Variants in DGAT2 observed in about 807,000 individuals in gnomAD.
DGAT2 encodes the protein acyl-CoA retinol O-fatty-acyltransferase.
DGAT2 carries 33 observed loss-of-function variants against 48.4 expected under a neutral mutation model. That is an observed-to-expected ratio of 0.68 (90% CI 0.52 to 0.91). DGAT2 has a LOEUF of 0.91. DGAT2 is among the 40% of genes least tolerant of loss of function. The pLI, the probability that DGAT2 is intolerant of heterozygous loss-of-function variation, is 0.00. For missense variants in DGAT2, 446 were observed against 493.7 expected (o/e 0.90, Z 0.92); for synonymous variants, 191 against 194.1 (o/e 0.98, Z 0.13).
chr11:75,785,842 AG>A (rs1310595352), intron 2 of DGAT2, among the ~76,000 whole-genome samples: 1 of 152,234 alleles, frequency 6.6e-6, no homozygotes, highest in Non-Finnish European at 1.5e-5. Context: ...AGAACTTCAC[AG>A]GTGAGAAAAT....
At chr11:75,778,175 T>C (rs1007608849) in intron 1 of DGAT2, among the ~76,000 whole-genome samples, 1 of 151,838 alleles carries the variant, frequency 6.6e-6, no homozygotes, top group African/African-American at 2.4e-5. Context: ...TCTCAGCTTC[T>C]ATTTCAGGCA....
Position 75,769,037 on chromosome 11 carries a change from C to T in DGAT2, c.46C>T (p.Arg16Cys). 6.3e-7 allele frequency: 1 copy of T among 1,576,310 alleles called. No individual in the cohort carries two copies. Among genetic ancestry groups the T allele is most frequent in the Admixed American group, 1.8e-5 (1 of 55,726 alleles). ...CTACTCCGGGGTCCTGCGCGGCGAG[C>T]GTCAGGCCGAGGCTGACCGGAGCCA... ...AAYSGVLRGERQAEADRSQRS... is the reference protein window; with the variant it reads ...AAYSGVLRGECQAEADRSQRS... The change falls in exon 1 of 8, where the codon CGT becomes TGT. Residue 16 changes from arginine to cysteine, a missense_variant. Transcript: ENST00000228027.
At chr11:75,785,463 G>A (rs1299431318) in intron 2 of DGAT2, among the ~76,000 whole-genome samples, 5 of 152,150 alleles carry the variant, frequency 3.3e-5, no homozygotes, top group African/African-American at 1.2e-4. Context: ...AGCCCACATC[G>A]GTGCTTTGGT....
At chr11:75,780,257 A>G (rs759172047) in intron 1 of DGAT2, among the ~76,000 whole-genome samples, 7 of 152,196 alleles carry the variant, frequency 4.6e-5, no homozygotes, top group Non-Finnish European at 1.0e-4. Flanking sequence ...GACTCCTCCC[A>G]GCCACAGCTG....
chr11:75,796,051 A>C (rs1945047877), intron 4 of DGAT2: 3 of 428,032 alleles, frequency 7.0e-6, no homozygotes, highest in Non-Finnish European at 1.3e-5. Context: ...GGCAGAGTGC[A>C]AAGAAGAGCT....
intron 2 of DGAT2, among the ~76,000 whole-genome samples, chr11:75,787,337 G>T (rs1313762268): frequency 6.6e-6 from 1 of 152,196 alleles, no homozygotes. Flanking sequence ...AATGGGGCTT[G>T]GCCAGCAAGT....
intron 1 of DGAT2, among the ~76,000 whole-genome samples, chr11:75,781,839 C>A (rs1326327752): frequency 6.6e-6 from 1 of 152,186 alleles, no homozygotes. Context: ...GAGGGTTGAA[C>A]AAGATGGCGT....
intron 7 of DGAT2, 49 bp downstream of exon 7, chr11:75,798,478 A>G: frequency 6.9e-6 from 11 of 1,594,416 alleles, no homozygotes; most frequent in East Asian, 2.2e-5. Context: ...ACAGGGTGCC[A>G]TACAGCTAAT....
At chr11:75,786,021 A>G (rs928282668) in intron 2 of DGAT2, among the ~76,000 whole-genome samples, 2 of 152,364 alleles carry the variant, frequency 1.3e-5, no homozygotes, top group Admixed American at 1.3e-4. Flanking sequence ...TAGGCCCAAG[A>G]ACGGGCTTTG....
Position 75,790,747 on chromosome 11 carries a change from T to G in DGAT2, c.429+16T>G. On this transcript the variant is annotated intron_variant, in intron 4 of 7. Transcript: ENST00000228027. The stretch of plus-strand genomic sequence containing the variant: ...TCCCATCCAGGTAAAGTGCTGTGAG[T>G]GTTGTTTTGGGAGGGTGGGAATGGA... The G allele has an allele frequency of 6.2e-7, 1 of 1,613,632 alleles. No homozygotes were observed. Among genetic ancestry groups the G allele is most frequent in the Non-Finnish European group, 8.5e-7 (1 of 1,179,800 alleles).
chr11:75,800,816 A>G lies in DGAT2; in HGVS notation c.*308A>G. On this transcript the variant is annotated 3_prime_UTR_variant, in exon 8 of 8. Coordinates refer to ENST00000228027, the MANE Select transcript of DGAT2 (RefSeq NM_032564.5). ...GTCTTCTTGGGGAAGAAGGATTGCC[A>G]TTAGTGACTTGGACCAGTTAGATGA... 6.2e-6 allele frequency: 2 copies of G among 323,502 alleles called. No homozygotes were observed. The highest frequency in any genetic ancestry group is 1.2e-5 in the Non-Finnish European group (2 of 172,386). The allele number at this position is 323,502 out of a possible 1,614,324, so 20.0% of individuals were successfully genotyped here. A position where few individuals can be genotyped will look rare whatever the true frequency, so the allele number is the denominator to read the frequency against.
At chr11:75,780,548 C>A (rs1029865965) in intron 1 of DGAT2, among the ~76,000 whole-genome samples, 1 of 152,110 alleles carries the variant, frequency 6.6e-6, no homozygotes, top group African/African-American at 2.4e-5. Flanking sequence ...GTCTAGAAAC[C>A]CAAGTCCTGC....
chr11:75,770,323 C>T (rs1344054168), intron 1 of DGAT2, among the ~76,000 whole-genome samples: 2 of 152,106 alleles, frequency 1.3e-5, no homozygotes, highest in African/African-American at 2.4e-5. Flanking sequence ...GTGTGATTAT[C>T]GCTGTGGTTA....
At chr11:75,797,466 G>A in intron 6 of DGAT2, 134 bp downstream of exon 6, 1 of 1,115,518 alleles carries the variant, frequency 9.0e-7, no homozygotes, top group Non-Finnish European at 1.2e-6. Flanking sequence ...GTTAGGGAGG[G>A]GATGTTGGAG....
Position 75,790,340 on chromosome 11 carries a change from C to T in DGAT2, c.358+45C>T, listed in dbSNP as rs778163077. The T allele has an allele frequency of 4.7e-6, 7 of 1,481,592 alleles. No homozygotes were observed. The South Asian group carries it at 6.8e-5, about 14-fold the overall frequency. 91.8% of individuals were successfully genotyped at this position (1,481,592 alleles called of 1,614,324 possible). ...TGCCCCACCTCTCATTCTAGGGATGCTCTTCCCCCTGCACAAGCTGAAGGG... is the reference window on the plus strand; with the variant it reads ...TGCCCCACCTCTCATTCTAGGGATGTTCTTCCCCCTGCACAAGCTGAAGGG... On this transcript the variant is annotated intron_variant, in intron 3 of 7. Transcript: ENST00000228027.
At chr11:75,782,584 A>G (rs1364896212) in intron 1 of DGAT2, among the ~76,000 whole-genome samples, 1 of 152,234 alleles carries the variant, frequency 6.6e-6, no homozygotes, top group Non-Finnish European at 1.5e-5. Context: ...CAAGGGTTCA[A>G]GCCTGTGCTT....
chr11:75,787,523 G>A (rs557167093), intron 2 of DGAT2, among the ~76,000 whole-genome samples: 21 of 152,212 alleles, frequency 1.4e-4, no homozygotes, highest in African/African-American at 5.1e-4. Context: ...CAGGAAGCAG[G>A]TGATGTGTGA....
At chr11:75,770,286 G>A (rs61898005) in intron 1 of DGAT2, among the ~76,000 whole-genome samples, 3,956 of 152,246 alleles carry the variant, frequency 0.026, 69 homozygotes, top group Non-Finnish European at 0.04. Context: ...CACTTTAACT[G>A]TGACCTAGGC....
chr11:75,775,805 C>CT (rs1363502723), intron 1 of DGAT2: 1 of 152,304 alleles, frequency 6.6e-6, no homozygotes, highest in African/African-American at 2.4e-5. Flanking sequence ...GAAGGCATCC[C>CT]TAAGAACACC....
Sources: gnomAD v4.1 joint callset for allele counts (sites outside exome capture counted in the v4.1 genomes callset) on GRCh38, gnomAD v4.1.1 for gene constraint, MANE v1.5 for transcripts, NCBI Gene and HGNC (gene_info 2026-07-23, HGNC 2026-07-21) for gene names.